FHIT: variants seen among roughly 807,000 people sequenced by gnomAD.
The protein encoded by FHIT is bis(5'-adenosyl)-triphosphatase.
A neutral mutation model predicts 17.9 loss-of-function variants in FHIT; 19 were observed. The ratio of observed to expected loss-of-function variants is 1.06; its 90% CI spans 0.74 to 1.56. The LOEUF (loss-of-function observed/expected upper bound fraction) is 1.56. Among genes scored for constraint, FHIT ranks in the 40% most tolerant of loss-of-function variants. FHIT has a pLI of 0.00. For missense variants in FHIT, 248 were observed against 189.2 expected, an observed-to-expected ratio of 1.31 and a Z score of -1.82; for synonymous variants, 81 against 69.7, an observed-to-expected ratio of 1.16 and a Z score of -0.81.
intron 2 of FHIT, among the ~76,000 whole-genome samples, chr3:61,108,227 C>T (rs947165976): frequency 7.2e-5 from 11 of 152,054 alleles, no homozygotes; most frequent in African/African-American, 2.7e-4. Context: ...TGTTCACTAA[C>T]CCATACAGCT....
intron 8 of FHIT, among the ~76,000 whole-genome samples, chr3:59,887,199 C>T (rs1473705073): frequency 3.9e-5 from 6 of 152,166 alleles, no homozygotes; most frequent in African/African-American, 1.4e-4. Flanking sequence ...GACATAGCCT[C>T]GCAGATCCCC....
At chr3:61,055,803 A>G (rs1418488980) in intron 2 of FHIT, among the ~76,000 whole-genome samples, 1 of 152,152 alleles carries the variant, frequency 6.6e-6, no homozygotes, top group Non-Finnish European at 1.5e-5. Context: ...GGACAGAGAG[A>G]ATGTAGGCTT....
At chr3:60,549,476 G>C (rs1372559857) in intron 4 of FHIT, among the ~76,000 whole-genome samples, 2 of 152,056 alleles carry the variant, frequency 1.3e-5, no homozygotes, top group Non-Finnish European at 2.9e-5. Context: ...TTAATTCCTA[G>C]ATTTGAGAAT....
At chr3:60,703,143 C>T (rs367714737) in intron 4 of FHIT, among the ~76,000 whole-genome samples, 40 of 152,172 alleles carry the variant, frequency 2.6e-4, no homozygotes, top group Admixed American at 3.9e-4. Flanking sequence ...TAGTCAGACA[C>T]GCAGAGAGAA....
intron 8 of FHIT, among the ~76,000 whole-genome samples, chr3:59,879,655 G>C (rs550714882): frequency 1.3e-5 from 2 of 152,012 alleles, no homozygotes; most frequent in African/African-American, 4.8e-5. Context: ...CATTACGTAG[G>C]GTCGAATAAA....
At chr3:60,131,837 G>A (rs1559662407) in intron 5 of FHIT, among the ~76,000 whole-genome samples, 2 of 152,034 alleles carry the variant, frequency 1.3e-5, no homozygotes, top group African/African-American at 4.8e-5. Context: ...TCTTCTCAAA[G>A]CCAATCACAT....
chr3:60,748,932 G>C (rs562758463), intron 4 of FHIT, among the ~76,000 whole-genome samples: 67 of 152,238 alleles, frequency 4.4e-4, no homozygotes, highest in Middle Eastern at 3.4e-3. Flanking sequence ...GTCTATACAT[G>C]TTCAGCACAG....
chr3:59,750,108 A>G (rs926422143), intron 9 of FHIT: 2 of 226,588 alleles, frequency 8.8e-6, no homozygotes, highest in East Asian at 6.4e-5. Flanking sequence ...AGGGAAGTCA[A>G]TTTACCTGGA....
intron 2 of FHIT, among the ~76,000 whole-genome samples, chr3:61,108,674 G>A (rs1280292910): frequency 2.0e-5 from 3 of 152,176 alleles, no homozygotes; most frequent in African/African-American, 7.2e-5. Context: ...TGTGTCACAA[G>A]GCAAGCGGGC....
intron 5 of FHIT, among the ~76,000 whole-genome samples, chr3:60,328,848 C>G (rs939144399): frequency 6.6e-6 from 1 of 152,190 alleles, no homozygotes; most frequent in Non-Finnish European, 1.5e-5. Flanking sequence ...AAATTGGAAG[C>G]AGCATTACCT....
At chr3:60,575,623 G>T (rs2037538331) in intron 4 of FHIT, among the ~76,000 whole-genome samples, 1 of 152,162 alleles carries the variant, frequency 6.6e-6, no homozygotes, top group Admixed American at 6.6e-5. Context: ...AGTTTATAGA[G>T]AGCAACTGGC....
intron 3 of FHIT, among the ~76,000 whole-genome samples, chr3:61,036,328 T>A (rs571938018): frequency 6.6e-6 from 1 of 152,022 alleles, no homozygotes; most frequent in East Asian, 1.9e-4. Flanking sequence ...CCCCCTGATC[T>A]AATCACCCCC....
At chr3:60,464,975 C>A (rs1385610792) in intron 5 of FHIT, among the ~76,000 whole-genome samples, 2 of 152,108 alleles carry the variant, frequency 1.3e-5, no homozygotes, top group African/African-American at 4.8e-5. Context: ...TTCCCACCAA[C>A]AATGTATGAG....
chr3:60,852,564 AT>A (rs1373068238), intron 3 of FHIT, among the ~76,000 whole-genome samples: 1 of 152,046 alleles, frequency 6.6e-6, no homozygotes, highest in African/African-American at 2.4e-5. Context: ...AGTATGTAAT[AT>A]TTTTTCATGA....
At chr3:60,118,170 A>C (rs1261066477) in intron 5 of FHIT, among the ~76,000 whole-genome samples, 1 of 152,106 alleles carries the variant, frequency 6.6e-6, no homozygotes, top group Non-Finnish European at 1.5e-5. Context: ...GCAGTAGTGC[A>C]ATAATGTCTC....
At chr3:60,587,847 G>C (rs181116784) in intron 4 of FHIT, among the ~76,000 whole-genome samples, 8 of 152,086 alleles carry the variant, frequency 5.3e-5, no homozygotes, top group South Asian at 4.2e-4. Flanking sequence ...TCACAGACTT[G>C]GCACAGAGAA....
chr3:60,758,702 T>C (rs182178947), intron 4 of FHIT, among the ~76,000 whole-genome samples: 271 of 152,344 alleles, frequency 1.8e-3, no homozygotes, highest in African/African-American at 6.1e-3. Context: ...ATTCAATCAA[T>C]GTTTATTGAG....
intron 4 of FHIT, among the ~76,000 whole-genome samples, chr3:60,545,986 A>G (rs2036347194): frequency 1.3e-5 from 2 of 152,178 alleles, no homozygotes; most frequent in Admixed American, 6.5e-5. Context: ...ACATTACTAC[A>G]TGTGGATATG....
intron 5 of FHIT, among the ~76,000 whole-genome samples, chr3:60,135,857 T>C (rs1275548238): frequency 1.3e-5 from 2 of 152,134 alleles, no homozygotes; most frequent in South Asian, 4.1e-4. Flanking sequence ...ATGGTGTCTG[T>C]TTCCTACATT....
Sources: allele counts gnomAD v4.1 joint callset (sites outside exome capture counted in the v4.1 genomes callset), GRCh38; gene constraint gnomAD v4.1.1; transcripts MANE v1.5; gene names NCBI Gene and HGNC (gene_info 2026-07-23, HGNC 2026-07-21).